AHI1: variants seen among roughly 807,000 people sequenced by gnomAD.
AHI1 encodes jouberin.
In AHI1, 123 loss-of-function variants were observed where a neutral mutation model predicts 149.3. The ratio of observed to expected loss-of-function variants is 0.82; its 90% CI spans 0.71 to 0.96. The LOEUF is 0.96. AHI1 is among the 40% of genes least tolerant of loss of function. AHI1 has a pLI of 0.00. For synonymous variants in AHI1, 475 were observed against 459.8 expected (o/e 1.03, Z -0.42); for missense variants, 1,439 against 1,422.7 (o/e 1.01, Z -0.18).
In AHI1 at chr6:135,465,897, A is replaced by G. The variant is rs777878487; in HGVS notation, c.666T>C (p.Asp222=). The G allele has an allele frequency of 3.8e-6, 6 of 1,585,382 alleles. No homozygotes were observed. The highest frequency in any genetic ancestry group is 1.2e-5 in the South Asian group (1 of 84,004). The change falls in exon 7 of 29, where the codon GAT becomes GAC. Residue 222 remains aspartate, a synonymous_variant. Coordinates refer to ENST00000265602, the MANE Select transcript of AHI1 (RefSeq NM_001134831.2). ...TTAGTTTGTCATCATGGAATAAAGT[A>G]TCTGAGGGAAAGTAAGTCAACTGTT... ...LKEQLTYFPS[D]TLFHDDKLSS...
chr6:135,475,398 G>A (rs1339567650), intron 5 of AHI1, among the ~76,000 whole-genome samples: 1 of 152,214 alleles, frequency 6.6e-6, no homozygotes, highest in East Asian at 1.9e-4. Flanking sequence ...TTTAGGACCA[G>A]TCCTTGAAAT....
chr6:135,334,666 A>T (rs1235091778), intron 24 of AHI1, among the ~76,000 whole-genome samples: 1 of 152,246 alleles, frequency 6.6e-6, no homozygotes, highest in Non-Finnish European at 1.5e-5. Context: ...AAATAAATCA[A>T]GAGAATTCTG....
chr6:135,313,876 G>C lies in AHI1; in HGVS notation c.3426+4643C>G, dbSNP rs183813821. Among the ~76,000 whole-genome samples the C allele has an allele frequency of 2.4e-4, 37 of 152,276 alleles. No individual in the cohort carries two copies. In the East Asian group the frequency reaches 6.6e-3, roughly 27 times the overall value. On this transcript the variant is annotated intron_variant, in intron 26 of 28. Transcript: ENST00000265602. ...AGGGTAATAGAAACATACTAAGGGA[G>C]GGGGGGTCAGGTCACCTCAGTTTCA...
chr6:135,445,149 A>G (rs995367273), intron 13 of AHI1, among the ~76,000 whole-genome samples: 2 of 152,250 alleles, frequency 1.3e-5, no homozygotes, highest in Non-Finnish European at 2.9e-5. Context: ...ATGTATCTGT[A>G]AAATCAGCCT....
At chr6:135,481,729 A>G (rs1267626015) in intron 5 of AHI1, among the ~76,000 whole-genome samples, 1 of 136,528 alleles carries the variant, frequency 7.3e-6, no homozygotes, top group Non-Finnish European at 1.6e-5. Flanking sequence ...ACACTTTTTT[A>G]TACTACAGGT....
At chr6:135,388,367 C>T (rs565660138) in intron 23 of AHI1, among the ~76,000 whole-genome samples, 1 of 152,326 alleles carries the variant, frequency 6.6e-6, no homozygotes, top group African/African-American at 2.4e-5. Flanking sequence ...TGGAAACCCC[C>T]TTATACCATC....
At chr6:135,344,926 T>TCACTCA (rs1554285415) in intron 24 of AHI1, among the ~76,000 whole-genome samples, 1 of 145,704 alleles carries the variant, frequency 6.9e-6, no homozygotes. Context: ...AAGCTCTGAT[T>TCACTCA]CACACACACA....
chr6:135,431,597 T>C (rs1054491061), intron 16 of AHI1, among the ~76,000 whole-genome samples: 2 of 152,166 alleles, frequency 1.3e-5, no homozygotes, highest in Admixed American at 6.5e-5. Context: ...TCTCAGTACA[T>C]GTGTATATGG....
intron 5 of AHI1, among the ~76,000 whole-genome samples, chr6:135,469,580 T>C (rs1314164465): frequency 1.3e-5 from 2 of 152,096 alleles, no homozygotes; most frequent in East Asian, 3.8e-4. Flanking sequence ...CGAACTATAC[T>C]GGAGTAACCA....
rs371997310 is a variant in AHI1, at chr6:135,370,503, C to T, written c.3110-12316G>A. ...CATAGTCCTTAGAAGTTCAGCTAAT[C>T]TCTCCTTGCCTCAGCAGTAGCTCTG... On this transcript the variant is annotated intron_variant, in intron 23 of 28. Coordinates refer to ENST00000265602, the MANE Select transcript of AHI1 (RefSeq NM_001134831.2). Among the ~76,000 whole-genome samples, 12 of 152,332 alleles carry T rather than the reference C, an allele frequency of 7.9e-5. 1 individual carries two copies. Among genetic ancestry groups the T allele is most frequent in the East Asian group, 1.9e-4 (1 of 5,184 alleles).
At chr6:135,297,038 CA>C (rs1279705234) in intron 27 of AHI1, among the ~76,000 whole-genome samples, 1 of 152,196 alleles carries the variant, frequency 6.6e-6, no homozygotes, top group African/African-American at 2.4e-5. Context: ...CTGATGCTCA[CA>C]AATGAACTAC....
At chr6:135,294,803 C>T (rs1488839125) in intron 27 of AHI1, among the ~76,000 whole-genome samples, 1 of 151,194 alleles carries the variant, frequency 6.6e-6, no homozygotes, top group Non-Finnish European at 1.5e-5. Flanking sequence ...AATTCATAGT[C>T]TTAAATAAAA....
intron 5 of AHI1, among the ~76,000 whole-genome samples, chr6:135,488,924 G>T (rs1175213755): frequency 6.6e-6 from 1 of 152,086 alleles, no homozygotes; most frequent in African/African-American, 2.4e-5. Flanking sequence ...GTAACTTTCA[G>T]CAAGTTACTT....
rs758176754 is a variant in AHI1, at chr6:135,463,086, C to A, written c.931+39G>T. 3.1e-4 allele frequency: 472 copies of A among 1,502,066 alleles called. 1 individual carries two copies. The highest frequency in any genetic ancestry group is 4.1e-4 in the Non-Finnish European group (461 of 1,117,088). 93.0% of individuals were successfully genotyped at this position (1,502,066 alleles called of 1,614,324 possible). On this transcript the variant is annotated intron_variant, in intron 8 of 28. Transcript: ENST00000265602. ...AATTCCTAGAATCAAGTTATTTCTA[C>A]CAACATACACAATTTTTCATTTAAT...
At chr6:135,471,954 G>A (rs1397034036) in intron 5 of AHI1, among the ~76,000 whole-genome samples, 1 of 133,494 alleles carries the variant, frequency 7.5e-6, no homozygotes, top group East Asian at 2.6e-4. Flanking sequence ...GGAGCTTGCA[G>A]TGAGCCGAGA....
chr6:135,465,839 G>C lies in AHI1; in HGVS notation c.724C>G (p.Pro242Ala). 1 of 1,479,662 alleles carries C rather than the reference G, an allele frequency of 6.8e-7. No homozygotes were observed. The highest frequency in any genetic ancestry group is 8.9e-7 in the Non-Finnish European group (1 of 1,119,010). The allele number at this position is 1,479,662 out of a possible 1,614,324, so 91.7% of individuals were successfully genotyped here. Residue 242 changes from proline to alanine, a missense_variant, in exon 7 of 29, where the codon CCA becomes GCA. By Grantham distance (27) the Pro-to-Ala change is conservative. Transcript: ENST00000265602. Reference sequence around the variant, plus strand: ...CTTGTTTCAGCTTTAGAGAAGACTGGAACTTCCTTTTTCTTTTTCCTTTTT... The same window carrying C: ...CTTGTTTCAGCTTTAGAGAAGACTGCAACTTCCTTTTTCTTTTTCCTTTTT... Reference protein sequence around the residue: ...SEKRKKKKEVPVFSKAETSTL... With the variant: ...SEKRKKKKEVAVFSKAETSTL...
intron 23 of AHI1, among the ~76,000 whole-genome samples, chr6:135,364,349 GC>G (rs1794543438): frequency 6.6e-6 from 1 of 151,286 alleles, no homozygotes; most frequent in Admixed American, 6.6e-5. Flanking sequence ...CCGGGAAGAG[GC>G]GCTCCTCACT....
At position 135,332,290 on chromosome 6, in the gene AHI1, G is replaced by A. The variant is rs554343792; in HGVS notation, c.3166-8966C>T. On this transcript the variant is annotated intron_variant, in intron 24 of 28. Coordinates refer to ENST00000265602, the MANE Select transcript of AHI1 (RefSeq NM_001134831.2). ...TCACCACGTTGGTCAGGCTGGTCTC[G>A]ATCTCCTGACCTCGTGATCTGCCTG... Among the ~76,000 whole-genome samples, 230 of 152,242 alleles carry A rather than the reference G, an allele frequency of 1.5e-3. 2 individuals carry two copies. The highest frequency in any genetic ancestry group is 5.1e-3 in the African/African-American group (214 of 41,560).
At chr6:135,376,523 G>C (rs1043489772) in intron 23 of AHI1, among the ~76,000 whole-genome samples, 3 of 151,896 alleles carry the variant, frequency 2.0e-5, no homozygotes, top group Non-Finnish European at 4.4e-5. Context: ...TAGTATTTTT[G>C]CCAAAAAAGT....
Sources: allele counts gnomAD v4.1 joint callset (sites outside exome capture counted in the v4.1 genomes callset), GRCh38; gene constraint gnomAD v4.1.1; transcripts MANE v1.5; gene names NCBI Gene and HGNC (gene_info 2026-07-23, HGNC 2026-07-21).